Variants in SNX29 observed in about 807,000 individuals in gnomAD.
SNX29 encodes sorting nexin-29.
In SNX29, 78 loss-of-function variants were observed where a neutral mutation model predicts 102.1. The observed-to-expected ratio is 0.76, with a 90% CI of 0.64 to 0.92. SNX29 has a LOEUF of 0.92. SNX29 is among the 40% of genes least tolerant of loss of function. The probability of loss-of-function intolerance (pLI) is 0.00; values close to 1 mark genes in which losing one functional copy is unlikely to be tolerated. For synonymous variants in SNX29, 580 were observed against 414.5 expected, an observed-to-expected ratio of 1.40 and a Z score of -4.85; for missense variants, 1,280 against 1,061.7, an observed-to-expected ratio of 1.21 and a Z score of -2.86.
intron 10 of SNX29, among the ~76,000 whole-genome samples, chr16:12,073,103 T>A (rs984656402): frequency 2.0e-5 from 3 of 152,098 alleles, no homozygotes; most frequent in African/African-American, 7.2e-5. Context: ...ATTTTGTTGA[T>A]CCTTTCAAAA....
At chr16:12,136,092 C>T (rs777707412) in intron 13 of SNX29, among the ~76,000 whole-genome samples, 1 of 152,260 alleles carries the variant, frequency 6.6e-6, no homozygotes, top group Non-Finnish European at 1.5e-5. Context: ...CTTGCGGTTA[C>T]TCTCCTGTTG....
intron 14 of SNX29, among the ~76,000 whole-genome samples, chr16:12,200,643 C>T (rs556544742): frequency 2.0e-5 from 3 of 152,204 alleles, no homozygotes; most frequent in South Asian, 4.2e-4. Context: ...CCACCATGCC[C>T]AGCTAATTTT....
At chr16:12,069,849 C>T (rs2051211679) in intron 10 of SNX29, among the ~76,000 whole-genome samples, 1 of 152,078 alleles carries the variant, frequency 6.6e-6, no homozygotes, top group Non-Finnish European at 1.5e-5. Context: ...CGCCACTGCG[C>T]CCGGCTAACT....
At chr16:12,527,954 A>G (rs2076831446) in intron 20 of SNX29, among the ~76,000 whole-genome samples, 1 of 149,614 alleles carries the variant, frequency 6.7e-6, no homozygotes, top group Non-Finnish European at 1.5e-5. Flanking sequence ...CCTCCCGAGT[A>G]GCTGGGACTA....
chr16:12,563,116 C>T (rs1399043270), intron 20 of SNX29, among the ~76,000 whole-genome samples: 3 of 152,064 alleles, frequency 2.0e-5, no homozygotes, highest in African/African-American at 7.2e-5. Flanking sequence ...ACAACAGAGC[C>T]TAGGAAAGGT....
At chr16:12,517,106 C>T (rs749073674) in intron 19 of SNX29, among the ~76,000 whole-genome samples, 1 of 152,286 alleles carries the variant, frequency 6.6e-6, no homozygotes, top group East Asian at 1.9e-4. Context: ...TTGACGATGG[C>T]GTTATGGTAG....
chr16:12,566,200 C>A (rs1056182039), intron 20 of SNX29, among the ~76,000 whole-genome samples: 6 of 152,204 alleles, frequency 3.9e-5, no homozygotes, highest in African/African-American at 1.4e-4. Flanking sequence ...CTTACCACCA[C>A]AGTACTAGGA....
At chr16:12,355,338 G>A (rs1003692125) in intron 15 of SNX29, among the ~76,000 whole-genome samples, 2 of 152,158 alleles carry the variant, frequency 1.3e-5, no homozygotes, top group Non-Finnish European at 2.9e-5. Context: ...TACTCTGACA[G>A]TGTCTTCTGT....
chr16:12,416,482 A>C (rs57913527), intron 18 of SNX29, among the ~76,000 whole-genome samples: 13,201 of 152,240 alleles, frequency 0.087, 885 homozygotes, highest in East Asian at 0.19. Flanking sequence ...CATTACCCTG[A>C]TTTGATTACA....
chr16:12,401,964 C>T (rs968206442), intron 17 of SNX29, among the ~76,000 whole-genome samples: 26 of 152,284 alleles, frequency 1.7e-4, no homozygotes, highest in African/African-American at 5.8e-4. Context: ...GGAGGTTGTC[C>T]ACTCCTCACC....
intron 15 of SNX29, among the ~76,000 whole-genome samples, chr16:12,292,346 G>T (rs887086985): frequency 6.6e-6 from 1 of 152,154 alleles, no homozygotes. Context: ...TACAATTAAT[G>T]TTTCTTTTTC....
At chr16:12,561,647 A>T (rs2078730329) in intron 20 of SNX29, among the ~76,000 whole-genome samples, 1 of 152,022 alleles carries the variant, frequency 6.6e-6, no homozygotes, top group African/African-American at 2.4e-5. Context: ...AAGAACAGCC[A>T]CTCCTGGGGC....
intron 1 of SNX29, among the ~76,000 whole-genome samples, chr16:11,978,472 A>T (rs1171516894): frequency 6.6e-6 from 1 of 152,198 alleles, no homozygotes; most frequent in East Asian, 1.9e-4. Flanking sequence ...ATGACTAAAT[A>T]ACATTCATCA....
rs377693516 is a variant in SNX29, at chr16:12,573,508, G to C, written c.*4879G>C. 1.3e-5 allele frequency: 3 copies of C among 225,144 alleles called. No homozygotes were observed. Among genetic ancestry groups the C allele is most frequent in the East Asian group, 6.4e-5 (1 of 15,544 alleles). The allele number at this position is 225,144 out of a possible 1,614,324, so 13.9% of individuals were successfully genotyped here. ...TTCTAGATTCACTGGTGGTTTAAGA[G>C]GCCCAGGGATTTAGTTCTTACTGGT... On this transcript the variant is annotated 3_prime_UTR_variant, in exon 21 of 21. Transcript: ENST00000566228.
At chr16:12,296,528 C>G (rs184282338) in intron 15 of SNX29, among the ~76,000 whole-genome samples, 1 of 152,280 alleles carries the variant, frequency 6.6e-6, no homozygotes, top group Non-Finnish European at 1.5e-5. Flanking sequence ...TGTTGTGGGC[C>G]ATGTGATCCC....
chr16:12,253,005 A>G (rs2078467295), intron 14 of SNX29, among the ~76,000 whole-genome samples: 2 of 152,144 alleles, frequency 1.3e-5, no homozygotes, highest in Admixed American at 1.3e-4. Flanking sequence ...GGTTTGAGAA[A>G]TTTCCAGACC....
rs996385013 is a variant in SNX29 at position 12,569,027 on chromosome 16, C to T, written c.*398C>T. The T allele has an allele frequency of 8.3e-6, 2 of 242,404 alleles. No homozygotes were observed. Among genetic ancestry groups the T allele is most frequent in the Non-Finnish European group, 1.6e-5 (2 of 125,794 alleles). The allele number at this position is 242,404 out of a possible 1,614,324, so 15.0% of individuals were successfully genotyped here. ...GAAGGTTCATGCAGAGCCAGCCTCT[C>T]CACTCTTTCCCACGTGGGGACTAGA... On this transcript the variant is annotated 3_prime_UTR_variant, in exon 21 of 21. Transcript: ENST00000566228.
chr16:12,084,392 C>T (rs966867299), intron 11 of SNX29, among the ~76,000 whole-genome samples: 1 of 152,196 alleles, frequency 6.6e-6, no homozygotes, highest in Non-Finnish European at 1.5e-5. Flanking sequence ...GATCCGCCCA[C>T]CTCGGCTTTC....
intron 11 of SNX29, among the ~76,000 whole-genome samples, chr16:12,121,887 C>T (rs1299415842): frequency 6.6e-6 from 1 of 152,216 alleles, no homozygotes; most frequent in African/African-American, 2.4e-5. Flanking sequence ...CAACCTCCAC[C>T]TCCCTGCAAC....
Sources: allele counts gnomAD v4.1 joint callset (sites outside exome capture counted in the v4.1 genomes callset), GRCh38; gene constraint gnomAD v4.1.1; transcripts MANE v1.5; gene names NCBI Gene and HGNC (gene_info 2026-07-23, HGNC 2026-07-21).